PTK2: variants seen among roughly 807,000 people sequenced by gnomAD.
PTK2 encodes the protein protein tyrosine kinase 2, also known as focal adhesion kinase 1.
Under a neutral mutation model 150.1 loss-of-function variants are expected in PTK2, and 45 were observed. The ratio of observed to expected loss-of-function variants is 0.30; its 90% CI spans 0.24 to 0.38. The LOEUF (loss-of-function observed/expected upper bound fraction) is 0.38, where lower values mean the gene tolerates loss of function less well. PTK2 is among the 10% of genes least tolerant of loss of function. The pLI is 1.00. For missense variants in PTK2, 919 were observed against 1,307.3 expected, an observed-to-expected ratio of 0.70 and a Z score of 4.58; for synonymous variants, 432 against 449.2, an observed-to-expected ratio of 0.96 and a Z score of 0.48.
chr8:140,951,080 A>G (rs13270490), intron 1 of PTK2, among the ~76,000 whole-genome samples: 63,333 of 151,824 alleles, frequency 0.42, 15,107 homozygotes, highest in Non-Finnish European at 0.55. Flanking sequence ...CACAAATACG[A>G]GATTTTGCAG....
Position 140,751,180 on chromosome 8 carries a change from T to C in PTK2, c.1417+1052A>G, listed in dbSNP as rs1227104431. On this transcript the variant is annotated intron_variant, in intron 17 of 31. Coordinates refer to ENST00000522684, the Ensembl canonical transcript of PTK2. ...TTGCGTGAAGTTTTCTTTTCTTTTG[T>C]TTTTTGGAGACAGGGTCTCATTCAG... 3.3e-5 allele frequency among the ~76,000 whole-genome samples: 5 copies of C among 152,106 alleles called. No homozygotes were observed. The East Asian group carries it at 7.7e-4, about 24-fold the overall frequency.
chr8:140,738,495 G>A (rs1259804626), intron 21 of PTK2, among the ~76,000 whole-genome samples: 5 of 152,200 alleles, frequency 3.3e-5, no homozygotes, highest in African/African-American at 1.2e-4. Flanking sequence ...CAGCAGGTGA[G>A]GAGGAACAAA....
At chr8:140,817,201 G>A (rs1393775213) in intron 10 of PTK2, among the ~76,000 whole-genome samples, 1 of 151,852 alleles carries the variant, frequency 6.6e-6, no homozygotes, top group East Asian at 1.9e-4. Context: ...AGGAATATGA[G>A]GAAAAACACA....
chr8:140,856,366 AAAAACAAAAC>A (rs74275894), intron 5 of PTK2, among the ~76,000 whole-genome samples: 2,691 of 150,778 alleles, frequency 0.018, 28 homozygotes, highest in African/African-American at 0.035. Flanking sequence ...AATAATAGTA[AAAAACAAAAC>A]AAAACAAAAC....
At chr8:140,876,824 A>G (rs893815965) in intron 4 of PTK2, among the ~76,000 whole-genome samples, 83 of 152,058 alleles carry the variant, frequency 5.5e-4, no homozygotes, top group African/African-American at 1.9e-3. Flanking sequence ...GATTTCTACA[A>G]CTTCTATTTG....
At chr8:140,783,085 A>G (rs2154570318) in intron 14 of PTK2, among the ~76,000 whole-genome samples, 1 of 152,114 alleles carries the variant, frequency 6.6e-6, no homozygotes, top group Admixed American at 6.5e-5. Context: ...CAAAAAAAAT[A>G]CAAAAATTTG....
At position 140,674,466 on chromosome 8, in the gene PTK2, G is replaced by A. The variant is rs564855470; in HGVS notation, c.2603-62C>T. 8.7e-5 allele frequency: 124 copies of A among 1,429,966 alleles called. No homozygotes were observed. The East Asian group carries it at 2.4e-3, about 28-fold the overall frequency. 88.6% of individuals were successfully genotyped at this position (1,429,966 alleles called of 1,614,324 possible). ...GTTAAGAAAGATTAAGAGGCTGGGG[G>A]CAGTGGCTCATGCCTATAATCTCAG... On this transcript the variant is annotated intron_variant, in intron 28 of 31. Coordinates refer to ENST00000522684, the Ensembl canonical transcript of PTK2.
intron 23 of PTK2, among the ~76,000 whole-genome samples, chr8:140,706,531 C>A (rs1287139241): frequency 1.3e-5 from 2 of 152,188 alleles, no homozygotes; most frequent in African/African-American, 4.8e-5. Context: ...TTGGGCAGGG[C>A]ATGGTAGCTC....
intron 22 of PTK2, among the ~76,000 whole-genome samples, chr8:140,725,203 G>A (rs1350672653): frequency 1.3e-5 from 2 of 150,338 alleles, no homozygotes; most frequent in African/African-American, 2.5e-5. Context: ...GCTCGATCAC[G>A]GCTCACTGCA....
At chr8:140,948,826 T>C (rs1443057276) in intron 1 of PTK2, 1 of 152,256 alleles carries the variant, frequency 6.6e-6, no homozygotes, top group Non-Finnish European at 1.5e-5. Context: ...AACAACTATT[T>C]GCAAAGGATT....
At chr8:140,829,151 G>C (rs2100113762) in intron 8 of PTK2, among the ~76,000 whole-genome samples, 1 of 152,210 alleles carries the variant, frequency 6.6e-6, no homozygotes, top group Admixed American at 6.5e-5. Context: ...CTGAAATAAA[G>C]AGTATATTTT....
intron 2 of PTK2, among the ~76,000 whole-genome samples, chr8:140,923,635 G>A (rs145916497): frequency 1.6e-3 from 244 of 152,294 alleles, no homozygotes; most frequent in Non-Finnish European, 2.9e-3. Flanking sequence ...AAAAGCGTAA[G>A]CAGTCCTCTA....
chr8:140,658,701 TCTC>T (rs751501931), exon 32 of PTK2: 6 of 217,346 alleles, frequency 2.8e-5, no homozygotes, highest in African/African-American at 6.7e-5. Flanking sequence ...TTCTGGAACT[TCTC>T]CTCAATGCAG....
chr8:140,673,105 CTT>C (rs540402579), intron 29 of PTK2, among the ~76,000 whole-genome samples: 116 of 144,132 alleles, frequency 8.0e-4, no homozygotes, highest in Non-Finnish European at 7.8e-4. Context: ...AAGATGCATC[CTT>C]TTTTTTTTTT....
At chr8:140,942,142 G>C (rs1333600511) in intron 1 of PTK2, among the ~76,000 whole-genome samples, 1 of 152,104 alleles carries the variant, frequency 6.6e-6, no homozygotes, top group African/African-American at 2.4e-5. Flanking sequence ...GCCTCCCAAA[G>C]GGTTGGGATT....
At position 140,864,432 on chromosome 8, in the gene PTK2, A is replaced by T. The variant is rs1475323147; in HGVS notation, c.363-33T>A. The T allele has an allele frequency of 3.8e-6, 5 of 1,310,358 alleles. No homozygotes were observed. In the South Asian group the frequency reaches 6.5e-5, roughly 17 times the overall value. The allele number at this position is 1,310,358 out of a possible 1,614,324, so 81.2% of individuals were successfully genotyped here. A position where few individuals can be genotyped will look rare whatever the true frequency, so the allele number is the denominator to read the frequency against. On this transcript the variant is annotated intron_variant, in intron 4 of 31. Coordinates refer to ENST00000522684, the Ensembl canonical transcript of PTK2. Reference sequence around the variant, plus strand: ...TAATTCACAAAACAGAACAATTAGAAATCAGTCATTTTCTCAATTTACAGT... The same window carrying T: ...TAATTCACAAAACAGAACAATTAGATATCAGTCATTTTCTCAATTTACAGT...
In PTK2 at chr8:140,793,346, G is replaced by A. The variant is rs547188889; in HGVS notation, c.1124+8C>T. 3 of 1,606,914 alleles carry A rather than the reference G, an allele frequency of 1.9e-6. No homozygotes were observed. Among genetic ancestry groups the A allele is most frequent in the East Asian group, 4.5e-5 (2 of 44,540 alleles). ...ACAAAATAACAGTACAAAAAAAGCA[G>A]TACTTACTTTGGTATTGATGGCAAA... is the stretch of plus-strand genomic sequence containing the variant. On this transcript the variant is annotated splice_region_variant and intron_variant, in intron 13 of 31. Coordinates refer to ENST00000522684, the Ensembl canonical transcript of PTK2.
intron 1 of PTK2, among the ~76,000 whole-genome samples, chr8:140,963,559 ACTTT>A (rs1290884403): frequency 1.3e-5 from 2 of 152,194 alleles, no homozygotes; most frequent in Non-Finnish European, 2.9e-5. Context: ...TAACTGATCT[ACTTT>A]CTTTATTACA....
chr8:140,915,106 G>A (rs2154608094), intron 2 of PTK2, among the ~76,000 whole-genome samples: 1 of 151,052 alleles, frequency 6.6e-6, no homozygotes, highest in Non-Finnish European at 1.5e-5. Context: ...GGACAGATAG[G>A]ATTCCCTTGT....
Sources: allele counts gnomAD v4.1 joint callset (sites outside exome capture counted in the v4.1 genomes callset), GRCh38; gene constraint gnomAD v4.1.1; transcripts MANE v1.5; gene names NCBI Gene and HGNC (gene_info 2026-07-23, HGNC 2026-07-21).